The following IGSF10 variants were observed in gnomAD, a reference collection of about 807,000 sequenced individuals.
IGSF10 encodes calvaria mechanical force protein 608.
In IGSF10, 126 loss-of-function variants were observed where a neutral mutation model predicts 128.2. The observed-to-expected ratio is 0.98, with a 90% CI of 0.85 to 1.14. IGSF10 has a LOEUF of 1.14. IGSF10 is among the 50% of genes most tolerant of loss of function. The pLI is 0.00. For missense variants in IGSF10, 3,295 were observed against 3,149.8 expected, an observed-to-expected ratio of 1.05 and a Z score of -1.10; for synonymous variants, 1,185 against 1,146.2, an observed-to-expected ratio of 1.03 and a Z score of -0.68.
chr3:151,528,444 T>G, the IGSF10 span, among the ~76,000 whole-genome samples: 1 of 152,222 alleles, frequency 6.6e-6, no homozygotes, highest in Non-Finnish European at 1.5e-5. Context: ...CTCCGGTCTG[T>G]AGCTCCCAGC....
At chr3:151,458,490 A>G in intron 3 of IGSF10, 26 bp downstream of exon 3, 1 of 1,566,238 alleles carries the variant, frequency 6.4e-7, no homozygotes. Context: ...CCTCTTTGAG[A>G]AGAGGAAACA....
chr3:151,480,741 C>T, the IGSF10 span, among the ~76,000 whole-genome samples: 1 of 152,036 alleles, frequency 6.6e-6, no homozygotes, highest in Non-Finnish European at 1.5e-5. Flanking sequence ...CCTGCAGAGC[C>T]ACCCCATGCC....
At chr3:151,507,349 CAG>C in the IGSF10 span, among the ~76,000 whole-genome samples, 26 of 152,252 alleles carry the variant, frequency 1.7e-4, no homozygotes, top group African/African-American at 5.3e-4. Context: ...CTACCTGTGT[CAG>C]AGTTTCAAAA....
At chr3:151,593,009 A>G in the IGSF10 span, among the ~76,000 whole-genome samples, 15 of 152,232 alleles carry the variant, frequency 9.9e-5, no homozygotes, top group African/African-American at 3.6e-4. Flanking sequence ...TATAATCAGT[A>G]GCACATAACT....
chr3:151,546,040 C>CAAA, the IGSF10 span, among the ~76,000 whole-genome samples: 2 of 109,508 alleles, frequency 1.8e-5, no homozygotes, highest in Admixed American at 9.1e-5. Context: ...CATATGTGGC[C>CAAA]ACAAAAAAAA....
the IGSF10 span, among the ~76,000 whole-genome samples, chr3:151,577,522 T>C: frequency 6.6e-6 from 1 of 152,198 alleles, no homozygotes; most frequent in Non-Finnish European, 1.5e-5. Context: ...GACTTATCTG[T>C]ACTAAATATT....
At chr3:151,490,802 G>T in the IGSF10 span, among the ~76,000 whole-genome samples, 3 of 151,996 alleles carry the variant, frequency 2.0e-5, no homozygotes, top group South Asian at 6.2e-4. Context: ...TAAATCAAAA[G>T]GGAAAATAAG....
chr3:151,504,227 C>A, the IGSF10 span, among the ~76,000 whole-genome samples: 1 of 152,072 alleles, frequency 6.6e-6, no homozygotes, highest in African/African-American at 2.4e-5. Context: ...GAAAGAACAA[C>A]GGCAGTTTGG....
Position 151,442,975 on chromosome 3 carries a change from T to G in IGSF10, c.5963+9A>C. The G allele has an allele frequency of 6.2e-7, 1 of 1,609,444 alleles. No homozygotes were observed. Among genetic ancestry groups the G allele is most frequent in the Non-Finnish European group, 8.5e-7 (1 of 1,177,592 alleles). On this transcript the variant is annotated intron_variant, in intron 7 of 7. Transcript: ENST00000282466. The stretch of plus-strand genomic sequence containing the variant: ...AGCAGATAATTCCAACCCAAAGGTA[T>G]AGACTTACCTATGCTGCTGGTCGAC...
At chr3:151,442,024 G>A (rs1720886825) in intron 7 of IGSF10, among the ~76,000 whole-genome samples, 2 of 152,326 alleles carry the variant, frequency 1.3e-5, no homozygotes, top group South Asian at 4.1e-4. Context: ...TCCTGCCACT[G>A]CACTCCAGCC....
the IGSF10 span, among the ~76,000 whole-genome samples, chr3:151,544,014 A>G: frequency 6.6e-6 from 1 of 152,102 alleles, no homozygotes; most frequent in African/African-American, 2.4e-5. Flanking sequence ...GGTTCAAGCA[A>G]TTCTCCTGCC....
the IGSF10 span, among the ~76,000 whole-genome samples, chr3:151,507,426 A>G: frequency 1.3e-5 from 2 of 152,218 alleles, no homozygotes; most frequent in South Asian, 4.1e-4. Flanking sequence ...ATCTTAAAAT[A>G]TCTGAGTAAT....
At position 151,447,982 on chromosome 3, in the gene IGSF10, G is replaced by T. The variant is rs116368012; in HGVS notation, c.1999C>A (p.Gln667Lys). ...IFQVSVKMKG[Q>K]RPLEHDGETE... ...TCTCCATCATGCTCCAAGGGCCTTTGTCCTTTCATCTTGACTGAAACTTGG... is the reference window on the plus strand; with the variant it reads ...TCTCCATCATGCTCCAAGGGCCTTTTTCCTTTCATCTTGACTGAAACTTGG... Residue 667 changes from glutamine (Q) to lysine (K), a missense_variant, in exon 6 of 8, where the codon CAA (glutamine) becomes AAA (lysine). By Grantham distance (53) the Gln-to-Lys change is moderately conservative. Coordinates refer to ENST00000282466, the MANE Select transcript of IGSF10 (RefSeq NM_178822.5). The T allele has an allele frequency of 6.1e-4, 984 of 1,614,098 alleles. 5 individuals are homozygous for T. The African/African-American group carries it at 0.012, about 20-fold the overall frequency.
chr3:151,468,285 T>TCAG, the IGSF10 span, among the ~76,000 whole-genome samples: 1 of 152,186 alleles, frequency 6.6e-6, no homozygotes, highest in African/African-American at 2.4e-5. Flanking sequence ...AGCTGACCCT[T>TCAG]CAGTTACAAT....
At chr3:151,583,828 A>G in the IGSF10 span, among the ~76,000 whole-genome samples, 1 of 152,194 alleles carries the variant, frequency 6.6e-6, no homozygotes, top group Non-Finnish European at 1.5e-5. Context: ...ATCAAATAAT[A>G]TATTTGAATC....
chr3:151,459,332 A>G (rs1423163171), intron 2 of IGSF10, among the ~76,000 whole-genome samples: 1 of 152,196 alleles, frequency 6.6e-6, no homozygotes, highest in African/African-American at 2.4e-5. Flanking sequence ...CATTTCATAT[A>G]TAATGTTTTT....
At chr3:151,619,873 A>G in the IGSF10 span, among the ~76,000 whole-genome samples, 1 of 152,112 alleles carries the variant, frequency 6.6e-6, no homozygotes, top group East Asian at 1.9e-4. Context: ...TCTGTTGTAT[A>G]GTCAGTTTGG....
At chr3:151,543,423 C>G in the IGSF10 span, among the ~76,000 whole-genome samples, 1 of 152,192 alleles carries the variant, frequency 6.6e-6, no homozygotes, top group Admixed American at 6.5e-5. Flanking sequence ...TGCAGCTGCA[C>G]AGCTGGCTCT....
the IGSF10 span, among the ~76,000 whole-genome samples, chr3:151,605,691 A>G: frequency 6.6e-6 from 1 of 152,244 alleles, no homozygotes; most frequent in South Asian, 2.1e-4. Flanking sequence ...TGACTTGATC[A>G]AGGCCATTCT....
Sources: allele counts gnomAD v4.1 joint callset (sites outside exome capture counted in the v4.1 genomes callset), GRCh38; gene constraint gnomAD v4.1.1; transcripts MANE v1.5; gene names NCBI Gene and HGNC (gene_info 2026-07-23, HGNC 2026-07-21).